C4orf51: variants seen among roughly 807,000 people sequenced by gnomAD.
C4orf51 encodes uncharacterized protein C4orf51.
Under a neutral mutation model 25.2 loss-of-function variants are expected in C4orf51, and 25 were observed. The observed-to-expected ratio is 0.99, with a 90% CI of 0.72 to 1.39. The LOEUF (loss-of-function observed/expected upper bound fraction) is 1.39. Among genes scored for constraint, C4orf51 ranks in the 40% most tolerant of loss-of-function variants. The pLI is 0.00. For missense variants in C4orf51, 252 were observed against 239.6 expected (o/e 1.05, Z -0.34); for synonymous variants, 100 against 84.5 (o/e 1.18, Z -1.01).
At chr4:145,718,609 G>A (rs1204570510) in intron 2 of C4orf51, among the ~76,000 whole-genome samples, 2 of 152,202 alleles carry the variant, frequency 1.3e-5, no homozygotes, top group Non-Finnish European at 2.9e-5. Flanking sequence ...TCCACAGAGG[G>A]ACATCTTAAT....
Position 145,680,339 on chromosome 4 carries a change from A to C in C4orf51, c.136A>C (p.Thr46Pro). 6.2e-7 allele frequency: 1 copy of C among 1,613,982 alleles called. No homozygotes were observed. The highest frequency in any genetic ancestry group is 8.5e-7 in the Non-Finnish European group (1 of 1,179,876). Residue 46 changes from threonine to proline, a missense_variant, in exon 1 of 6, where the codon ACA (threonine) becomes CCA (proline). Transcript: ENST00000438731. The part of the protein sequence containing the change: ...DETRWSDSSV[T>P]TYTGSYRKKQ... ...AACACGATGGTCAGATTCTTCCGTG[A>C]CAACATACACAGGCAGTTACCGGAA...
At chr4:145,773,805 G>A (rs115300728), downstream of C4orf51, among the ~76,000 whole-genome samples, 684 of 152,274 alleles carry the variant, frequency 4.5e-3, 5 homozygotes, top group African/African-American at 0.015. Flanking sequence ...CATGCCATGC[G>A]TCATTAAGGA....
At chr4:145,727,826 G>T (rs1039633174) in intron 3 of C4orf51, among the ~76,000 whole-genome samples, 1 of 146,402 alleles carries the variant, frequency 6.8e-6, no homozygotes, top group Non-Finnish European at 1.5e-5. Flanking sequence ...ATGTTGCAGT[G>T]AGCTGAGATC....
intron 4 of C4orf51, 50 bp from the exon 5 acceptor site, chr4:145,729,842 A>G: frequency 6.7e-7 from 1 of 1,483,074 alleles, no homozygotes. Flanking sequence ...CACTTATGGT[A>G]GACTCTCTTT....
chr4:145,708,417 C>G (rs945235346), intron 2 of C4orf51, among the ~76,000 whole-genome samples: 2 of 152,134 alleles, frequency 1.3e-5, no homozygotes, highest in African/African-American at 2.4e-5. Flanking sequence ...CCTGTGGTAT[C>G]GAGACAAGAT....
chr4:145,693,458 C>T (rs180913483), intron 1 of C4orf51, among the ~76,000 whole-genome samples: 5,620 of 152,164 alleles, frequency 0.037, 299 homozygotes, highest in African/African-American at 0.12. Flanking sequence ...GGCAACCATC[C>T]GATTTCTCAA....
intron 1 of C4orf51, among the ~76,000 whole-genome samples, chr4:145,692,533 G>A (rs546281074): frequency 4.6e-5 from 7 of 152,258 alleles, no homozygotes; most frequent in Non-Finnish European, 4.4e-5. Context: ...AAATTCATAC[G>A]CCCAGGTGAT....
chr4:145,710,720 A>G (rs1440255087), intron 2 of C4orf51, among the ~76,000 whole-genome samples: 4 of 149,394 alleles, frequency 2.7e-5, no homozygotes, highest in South Asian at 2.2e-4. Context: ...GTTGCAGCCA[A>G]TTATTATTTT....
chr4:145,702,096 G>A (rs1578954522), intron 2 of C4orf51, among the ~76,000 whole-genome samples: 4 of 152,012 alleles, frequency 2.6e-5, no homozygotes, highest in Admixed American at 2.6e-4. Flanking sequence ...CCCACAGCAC[G>A]CTTTAAAAGG....
At chr4:145,744,201 G>T (rs200923449) in intron 1 of C4orf51, among the ~76,000 whole-genome samples, 6 of 151,962 alleles carry the variant, frequency 3.9e-5, no homozygotes, top group Admixed American at 1.3e-4. Flanking sequence ...GGGAATCTTG[G>T]GGGGAGAAAT....
the C4orf51 span, among the ~76,000 whole-genome samples, chr4:145,785,335 A>G: frequency 6.6e-6 from 1 of 152,214 alleles, no homozygotes; most frequent in African/African-American, 2.4e-5. Context: ...GGTCCTGGGA[A>G]GATGAAACCC....
intron 1 of C4orf51, chr4:145,764,942 T>C: frequency 6.2e-7 from 1 of 1,607,190 alleles, no homozygotes; most frequent in Non-Finnish European, 8.5e-7. Flanking sequence ...GGGGAAAGGG[T>C]ATTTAATAAC....
chr4:145,764,893 G>T, intron 1 of C4orf51: 1 of 1,570,388 alleles, frequency 6.4e-7, no homozygotes, highest in Non-Finnish European at 8.7e-7. Flanking sequence ...CCTTCTCCAT[G>T]ACTCCCAAAA....
At chr4:145,729,270 G>T in intron 4 of C4orf51, 41 bp downstream of exon 4, 10 of 1,076,618 alleles carry the variant, frequency 9.3e-6, no homozygotes, top group South Asian at 1.7e-5. Flanking sequence ...TCCATTTTCT[G>T]GCCTTTATTT....
Position 145,732,522 on chromosome 4 carries a change from G to T in C4orf51, c.571G>T (p.Asp191Tyr). 6.2e-7 allele frequency: 1 copy of T among 1,611,032 alleles called. No individual in the cohort carries two copies. The highest frequency in any genetic ancestry group is 1.1e-5 in the South Asian group (1 of 90,200). The part of the protein sequence containing the change: ...SEDSEADRYS[D>Y]YGWGGPSSPF... ...GGATTCAGAAGCTGATCGATACTCC[G>T]ATTATGGCTGGGGAGGACCCTCATC... The change falls in exon 6 of 6, where the codon GAT (aspartate) becomes TAT (tyrosine). Residue 191 changes from aspartate to tyrosine, a missense_variant. Physicochemically the swap from Asp to Tyr is radical, Grantham distance 160. Transcript: ENST00000438731.
In C4orf51 at chr4:145,696,635, A is replaced by T. The variant is rs781118579; in HGVS notation, c.307+3A>T. ...CCAAGAGACTACAGATATCAAAGGTAAGTGCAACATGATCAGTTTCTGGGC... is the reference window on the plus strand; with the variant it reads ...CCAAGAGACTACAGATATCAAAGGTTAGTGCAACATGATCAGTTTCTGGGC... On this transcript the variant is annotated splice_donor_region_variant and intron_variant, in intron 2 of 5. Coordinates refer to ENST00000438731, the MANE Select transcript of C4orf51 (RefSeq NM_001080531.3). 23 of 1,610,726 alleles carry T rather than the reference A, an allele frequency of 1.4e-5. No homozygotes were observed. The highest frequency in any genetic ancestry group is 1.9e-5 in the Non-Finnish European group (22 of 1,177,488).
chr4:145,781,382 T>C, the C4orf51 span, among the ~76,000 whole-genome samples: 6 of 152,064 alleles, frequency 3.9e-5, no homozygotes, highest in East Asian at 3.9e-4. Context: ...CTGGAATGAT[T>C]TGCCAGATAG....
intron 2 of C4orf51, among the ~76,000 whole-genome samples, chr4:145,723,646 C>T (rs1045915728): frequency 1.3e-5 from 2 of 152,168 alleles, no homozygotes; most frequent in African/African-American, 4.8e-5. Flanking sequence ...ATTTAAGGAC[C>T]TAATACCTAA....
chr4:145,747,561 T>C (rs1038472565), intron 1 of C4orf51, among the ~76,000 whole-genome samples: 1 of 152,172 alleles, frequency 6.6e-6, no homozygotes. Context: ...CACTTGGTAA[T>C]GATGAATAAT....
Sources: allele counts gnomAD v4.1 joint callset (sites outside exome capture counted in the v4.1 genomes callset), GRCh38; gene constraint gnomAD v4.1.1; transcripts MANE v1.5; gene names NCBI Gene and HGNC (gene_info 2026-07-23, HGNC 2026-07-21).